Variants in XPO7 observed in about 807,000 individuals in gnomAD.
The protein encoded by XPO7 is exportin 7, also known as exportin-7.
In XPO7, 21 loss-of-function variants were observed where a neutral mutation model predicts 144.3. The ratio of observed to expected loss-of-function variants is 0.15; its 90% CI spans 0.10 to 0.21. XPO7 has a LOEUF of 0.21. XPO7 is among the 10% of genes least tolerant of loss of function. The pLI is 1.00. For synonymous variants in XPO7, 580 were observed against 499.6 expected (o/e 1.16, Z -2.15); for missense variants, 808 against 1,325.8 (o/e 0.61, Z 6.06).
chr8:21,939,037 G>A (rs1723865551), intron 1 of XPO7, among the ~76,000 whole-genome samples: 2 of 151,646 alleles, frequency 1.3e-5, no homozygotes, highest in South Asian at 2.1e-4. Context: ...TTTTTTCACT[G>A]GATACATGAA....
chr8:21,974,231 T>G (rs7823693), intron 5 of XPO7, among the ~76,000 whole-genome samples: 1 of 151,574 alleles, frequency 6.6e-6, no homozygotes, highest in Non-Finnish European at 1.5e-5. Context: ...TTAGAGGTGG[T>G]GGGGGGTCTC....
chr8:22,000,065 G>T (rs1164510835), intron 24 of XPO7, among the ~76,000 whole-genome samples: 1 of 152,220 alleles, frequency 6.6e-6, no homozygotes, highest in Non-Finnish European at 1.5e-5. Context: ...TTGTGAGGAA[G>T]TCAGGATCAA....
intron 1 of XPO7, among the ~76,000 whole-genome samples, chr8:21,934,177 A>G (rs921027335): frequency 2.6e-5 from 4 of 152,218 alleles, no homozygotes; most frequent in African/African-American, 4.8e-5. Context: ...ATAAATTGCA[A>G]TGAGTGCTGT....
intron 1 of XPO7, among the ~76,000 whole-genome samples, chr8:21,945,496 C>T (rs994967361): frequency 3.9e-5 from 6 of 152,064 alleles, no homozygotes; most frequent in African/African-American, 1.4e-4. Context: ...AGGTGTAAAA[C>T]AGGAAAGATA....
In XPO7 at chr8:22,005,271, C is replaced by G. The variant is rs1055443344; in HGVS notation, c.*183C>G. ...GGGTGTGAGTACACTCACTAGGGGG[C>G]AGGGCGCTGCTGGTTCCTGGGGGAC... On this transcript the variant is annotated 3_prime_UTR_variant, in exon 28 of 28. Transcript: ENST00000252512. 2.5e-6 allele frequency: 1 copy of G among 407,750 alleles called. No homozygotes were observed. Among genetic ancestry groups the G allele is most frequent in the African/African-American group, 2.1e-5 (1 of 48,576 alleles). The allele number at this position is 407,750 out of a possible 1,614,324, so 25.3% of individuals were successfully genotyped here.
intron 1 of XPO7, among the ~76,000 whole-genome samples, chr8:21,955,804 C>T (rs955986619): frequency 1.4e-5 from 2 of 146,164 alleles, no homozygotes; most frequent in Non-Finnish European, 3.0e-5. Flanking sequence ...TCTCGGCTCA[C>T]TGCAACCTCC....
intron 1 of XPO7, among the ~76,000 whole-genome samples, chr8:21,936,745 C>G (rs908778058): frequency 1.3e-5 from 2 of 152,182 alleles, no homozygotes; most frequent in East Asian, 1.9e-4. Context: ...AGTTCCCAAA[C>G]TGGAATTTTT....
intron 1 of XPO7, among the ~76,000 whole-genome samples, chr8:21,965,669 A>AC (rs1279673494): frequency 6.6e-6 from 1 of 152,188 alleles, no homozygotes; most frequent in Non-Finnish European, 1.5e-5. Context: ...AGTGTTGGAA[A>AC]TTTATTAATC....
At chr8:21,950,806 T>G (rs1239083969) in intron 1 of XPO7, among the ~76,000 whole-genome samples, 1 of 152,144 alleles carries the variant, frequency 6.6e-6, no homozygotes, top group Non-Finnish European at 1.5e-5. Flanking sequence ...GATTTTTATA[T>G]TCTACCGTAA....
chr8:21,932,418 G>T (rs973200720), intron 1 of XPO7, among the ~76,000 whole-genome samples: 1 of 151,912 alleles, frequency 6.6e-6, no homozygotes, highest in African/African-American at 2.4e-5. Context: ...TTTGTCAGAG[G>T]GTAAATATGA....
intron 1 of XPO7, chr8:21,921,532 T>C (rs1810287359): frequency 6.6e-6 from 1 of 152,202 alleles, no homozygotes; most frequent in Admixed American, 6.5e-5. Flanking sequence ...TCTCTTAATG[T>C]GATCTCCCAC....
chr8:21,959,257 C>T (rs1022258415), intron 1 of XPO7, among the ~76,000 whole-genome samples: 6 of 152,100 alleles, frequency 3.9e-5, no homozygotes, highest in African/African-American at 9.7e-5. Context: ...ATTTTGTGTG[C>T]GCTCATGCAA....
At chr8:21,990,752 C>A in intron 17 of XPO7, 59 bp from the exon 18 acceptor site, 1 of 1,515,206 alleles carries the variant, frequency 6.6e-7, no homozygotes, top group Non-Finnish European at 9.1e-7. Flanking sequence ...TGATTACTGG[C>A]TTGCATTCTG....
At chr8:21,954,344 A>G (rs986590265) in intron 1 of XPO7, among the ~76,000 whole-genome samples, 1 of 152,184 alleles carries the variant, frequency 6.6e-6, no homozygotes, top group African/African-American at 2.4e-5. Context: ...AACTTAAAAT[A>G]ATAAATGTGG....
At chr8:21,963,032 A>G (rs1261095412) in intron 1 of XPO7, among the ~76,000 whole-genome samples, 1 of 152,208 alleles carries the variant, frequency 6.6e-6, no homozygotes, top group Non-Finnish European at 1.5e-5. Flanking sequence ...CATAAATTAA[A>G]AGGGTTTGTG....
intron 1 of XPO7, among the ~76,000 whole-genome samples, chr8:21,958,885 C>T (rs1341830090): frequency 4.0e-5 from 6 of 150,532 alleles, no homozygotes; most frequent in Non-Finnish European, 5.9e-5. Flanking sequence ...CACTTGAACC[C>T]GGGAGGTAGA....
intron 11 of XPO7, among the ~76,000 whole-genome samples, chr8:21,984,113 T>C (rs1563332326): frequency 6.6e-6 from 1 of 152,222 alleles, no homozygotes; most frequent in East Asian, 1.9e-4. Flanking sequence ...TCCTACTTAG[T>C]ATGACCATTT....
chr8:21,977,772 T>G lies in XPO7; in HGVS notation c.766T>G (p.Phe256Val), dbSNP rs1585460903. ...VQIPTSWRSA[F>V]LDSSTLQLFF... Reference sequence around the variant, plus strand: ...TCTTTTGTCTTTTTCTTCCCCAGCCTTCTTAGATTCTTCAACCTTGCAGCT... The same window carrying G: ...TCTTTTGTCTTTTTCTTCCCCAGCCGTCTTAGATTCTTCAACCTTGCAGCT... Residue 256 changes from phenylalanine (F) to valine (V), a missense_variant and splice_region_variant, in exon 8 of 28, where the codon TTC becomes GTC. Physicochemically the swap from Phe to Val is conservative, Grantham distance 50. Coordinates refer to ENST00000252512, the MANE Select transcript of XPO7 (RefSeq NM_015024.5). The G allele has an allele frequency of 6.2e-7, 1 of 1,613,948 alleles. No individual in the cohort carries two copies. The highest frequency in any genetic ancestry group is 8.5e-7 in the Non-Finnish European group (1 of 1,179,858).
intron 1 of XPO7, among the ~76,000 whole-genome samples, chr8:21,962,902 A>G (rs1411760538): frequency 6.6e-6 from 1 of 152,204 alleles, no homozygotes; most frequent in Non-Finnish European, 1.5e-5. Flanking sequence ...TGTAATTTAT[A>G]TGTCAATTAA....
Sources: gnomAD v4.1 joint callset for allele counts (sites outside exome capture counted in the v4.1 genomes callset) on GRCh38, gnomAD v4.1.1 for gene constraint, MANE v1.5 for transcripts, NCBI Gene and HGNC (gene_info 2026-07-23, HGNC 2026-07-21) for gene names.